The following FASTKD1 variants were observed in gnomAD, a reference collection of about 807,000 sequenced individuals.
FASTKD1 encodes the protein FAST kinase domains 1.
In FASTKD1, 94 loss-of-function variants were observed where a neutral mutation model predicts 90.9. That is an observed-to-expected ratio of 1.03 (90% CI 0.88 to 1.23). The LOEUF is 1.23. Ranked by LOEUF, FASTKD1 falls within the 50% of genes most tolerant of loss-of-function variation. The pLI is 0.00. For missense variants in FASTKD1, 945 were observed against 993.5 expected, an observed-to-expected ratio of 0.95 and a Z score of 0.66; for synonymous variants, 319 against 345.8, an observed-to-expected ratio of 0.92 and a Z score of 0.86.
chr2:169,558,255 T>C (rs1358737227), intron 5 of FASTKD1, among the ~76,000 whole-genome samples: 1 of 152,152 alleles, frequency 6.6e-6, no homozygotes, highest in East Asian at 1.9e-4. Flanking sequence ...AGTTTGTTCG[T>C]GTGTGTGTTT....
intron 3 of FASTKD1, among the ~76,000 whole-genome samples, chr2:169,563,754 T>C (rs1683823644): frequency 1.3e-5 from 2 of 152,082 alleles, no homozygotes; most frequent in African/African-American, 4.8e-5. Flanking sequence ...TGACTTTGAA[T>C]TCACTAAAAA....
intron 7 of FASTKD1, among the ~76,000 whole-genome samples, chr2:169,554,498 T>TGGGGATTTCACAAGTGCAATCTTGGCTC (rs1553537797): frequency 8.8e-6 from 1 of 113,344 alleles, no homozygotes; most frequent in Non-Finnish European, 2.2e-5. Flanking sequence ...ATCCCATCTC[T>TGGGGATTTCACAAGTGCAATCTTGGCTC]ACTAAAATTA....
rs779014010 is a variant in FASTKD1, at chr2:169,571,687, C to T, written c.343G>A (p.Asp115Asn). The T allele has an allele frequency of 1.4e-5, 22 of 1,609,170 alleles. No individual in the cohort carries two copies. Among genetic ancestry groups the T allele is most frequent in the East Asian group, 2.2e-5 (1 of 44,814 alleles). The change falls in exon 2 of 15, where the codon GAT (aspartate) becomes AAT (asparagine). Residue 115 changes from aspartate (D) to asparagine (N), a missense_variant. Transcript: ENST00000453153. ...ATNKFKLMND[D>N]TLVNVLYVTQ... is the part of the protein sequence containing the mutation. ...ACGTATAACACATTCACCAGGGTAT[C>T]GTCATTCATTAATTTGAATTTATTT... is the stretch of plus-strand genomic sequence containing the variant.
At chr2:169,565,460 C>T (rs770273108) in intron 3 of FASTKD1, among the ~76,000 whole-genome samples, 17 of 150,626 alleles carry the variant, frequency 1.1e-4, no homozygotes, top group Non-Finnish European at 2.2e-4. Flanking sequence ...GACGGAGTTT[C>T]ACCTTGTTAG....
chr2:169,543,916 G>A lies in FASTKD1; in HGVS notation c.1816+805C>T, dbSNP rs1158290161. Among the ~76,000 whole-genome samples, 5 of 152,102 alleles carry A rather than the reference G, an allele frequency of 3.3e-5. No homozygotes were observed. The East Asian group carries it at 9.6e-4, about 29-fold the overall frequency. ...CAACCAAACACAATGAGTGAATACTGGGTGCAAAACAACTACTCTAAAATG... is the reference window on the plus strand; with the variant it reads ...CAACCAAACACAATGAGTGAATACTAGGTGCAAAACAACTACTCTAAAATG... On this transcript the variant is annotated intron_variant, in intron 9 of 14. Transcript: ENST00000453153.
chr2:169,560,352 A>C (rs1683521277), intron 5 of FASTKD1, 35 bp downstream of exon 5: 1 of 1,504,168 alleles, frequency 6.6e-7, no homozygotes, highest in Non-Finnish European at 8.8e-7. Flanking sequence ...ACGTATTCAC[A>C]ACAAAAAAAG....
In FASTKD1 at chr2:169,546,645, A is replaced by G; in HGVS notation, c.1274T>C (p.Leu425Pro). The change falls in exon 8 of 15, where the codon CTG becomes CCG. Residue 425 changes from leucine (L) to proline (P), a missense_variant. Transcript: ENST00000453153. ...TTCGTCCAAGTGAGGAGAAGGGAGC[A>G]GGGAAATAGCACGGACCAGAACAGA... is the stretch of plus-strand genomic sequence containing the variant. ...EVSVLVRAIS[L>P]LPSPHLDEVG... The G allele has an allele frequency of 6.2e-7, 1 of 1,614,218 alleles. No homozygotes were observed. Among genetic ancestry groups the G allele is most frequent in the Non-Finnish European group, 8.5e-7 (1 of 1,180,018 alleles).
chr2:169,540,707 G>T (rs1324868194), intron 9 of FASTKD1, among the ~76,000 whole-genome samples: 2 of 152,186 alleles, frequency 1.3e-5, no homozygotes, highest in Non-Finnish European at 2.9e-5. Flanking sequence ...GCATTAGGAA[G>T]CAGAGAGGTT....
rs770639864 is a variant in FASTKD1 at position 169,537,287 on chromosome 2, C to T, written c.2128G>A (p.Val710Ile). The T allele has an allele frequency of 1.2e-6, 2 of 1,613,468 alleles. No individual in the cohort carries two copies. Among genetic ancestry groups the T allele is most frequent in the South Asian group, 1.1e-5 (1 of 91,044 alleles). The change falls in exon 12 of 15, where the codon GTA becomes ATA. Residue 710 changes from valine to isoleucine, a missense_variant. Transcript: ENST00000453153. ...QQQIFKMLAE[V>I]LGGINCVKAS... is the part of the protein sequence containing the mutation. ...TTTACACAATTGATTCCTCCTAGTA[C>T]CTCTGCTAACATTTTAAAAATCTGC...
At chr2:169,568,628 T>TAAAAAAAAAAAAAAAAAA (rs10618482) in intron 3 of FASTKD1, among the ~76,000 whole-genome samples, 2 of 41,542 alleles carry the variant, frequency 4.8e-5, no homozygotes, top group Non-Finnish European at 9.9e-5. Flanking sequence ...CCCTGTCCAT[T>TAAAAAAAAAAAAAAAAAA]AAAAAAAAAA....
chr2:169,573,532 C>T (rs1684321925), intron 1 of FASTKD1, 137 bp downstream of exon 1: 1 of 152,274 alleles, frequency 6.6e-6, no homozygotes, highest in Admixed American at 6.6e-5. Context: ...CTCAGCCCTG[C>T]CCTAGTCCAT....
Position 169,530,626 on chromosome 2 carries a change from T to C in FASTKD1, c.2403A>G (p.Lys801=), listed in dbSNP as rs779635755. ...ACCCCAGAATTTCCAAATGTCGTTT[T>C]TTCATAGCAGATTTTCCTTTCATGT... The part of the protein sequence containing the change: ...IPHMKGKSAM[K]KRHLEILGYR... The change falls in exon 14 of 15, where the codon AAA becomes AAG. Residue 801 remains lysine (K), a synonymous_variant. Coordinates refer to ENST00000453153, the MANE Select transcript of FASTKD1 (RefSeq NM_024622.6). The C allele has an allele frequency of 6.8e-6, 11 of 1,609,200 alleles. No homozygotes were observed. The East Asian group carries it at 2.5e-4, about 36-fold the overall frequency.
intron 7 of FASTKD1, among the ~76,000 whole-genome samples, chr2:169,547,273 T>C (rs1685248481): frequency 6.6e-6 from 1 of 152,190 alleles, no homozygotes; most frequent in South Asian, 2.1e-4. Flanking sequence ...CATGCCACCC[T>C]CCAGGAACCT....
chr2:169,543,421 C>T (rs1685049295), intron 9 of FASTKD1, among the ~76,000 whole-genome samples: 1 of 152,066 alleles, frequency 6.6e-6, no homozygotes, highest in African/African-American at 2.4e-5. Context: ...CGAGATTGTG[C>T]CATTACACTC....
At chr2:169,559,132 C>A (rs1683469378) in intron 5 of FASTKD1, among the ~76,000 whole-genome samples, 1 of 151,610 alleles carries the variant, frequency 6.6e-6, no homozygotes, top group Non-Finnish European at 1.5e-5. Flanking sequence ...TGCCATCATG[C>A]CCGACTTATC....
chr2:169,534,371 C>G (rs1009992688), intron 12 of FASTKD1, among the ~76,000 whole-genome samples: 1 of 151,546 alleles, frequency 6.6e-6, no homozygotes, highest in Admixed American at 6.6e-5. Flanking sequence ...GAGGCTAGGT[C>G]CTTAGTAGAT....
chr2:169,541,125 C>A (rs13396747), intron 9 of FASTKD1, among the ~76,000 whole-genome samples: 13,297 of 152,182 alleles, frequency 0.087, 1,006 homozygotes, highest in African/African-American at 0.2. Context: ...GTGATGATTT[C>A]TACCAGCAAA....
At position 169,546,452 on chromosome 2, in the gene FASTKD1, C is replaced by T; in HGVS notation, c.1467G>A (p.Gln489=). ...LLQKLDHYGR[Q]RLQHSNSLDL... ...CCAAACTGTTGCTGTGTTGTAGTCT[C>T]TGACGACCATAGTGATCTAATTTTT... Residue 489 remains glutamine (Q), a synonymous_variant, in exon 8 of 15, where the codon CAG becomes CAA. Coordinates refer to ENST00000453153, the MANE Select transcript of FASTKD1 (RefSeq NM_024622.6). 4 of 1,614,206 alleles carry T rather than the reference C, an allele frequency of 2.5e-6. No individual in the cohort carries two copies. Among genetic ancestry groups the T allele is most frequent in the Non-Finnish European group, 3.4e-6 (4 of 1,180,020 alleles).
At chr2:169,565,249 C>A (rs796932234) in intron 3 of FASTKD1, among the ~76,000 whole-genome samples, 1 of 26,518 alleles carries the variant, frequency 3.8e-5, no homozygotes, top group African/African-American at 1.4e-4. Flanking sequence ...CCACACCAGG[C>A]TTTTTTTTTT....
Sources: allele counts gnomAD v4.1 joint callset (sites outside exome capture counted in the v4.1 genomes callset), GRCh38; gene constraint gnomAD v4.1.1; transcripts MANE v1.5; gene names NCBI Gene and HGNC (gene_info 2026-07-23, HGNC 2026-07-21).